The following ABCB1 variants were observed in gnomAD, a reference collection of about 807,000 sequenced individuals.
The protein encoded by ABCB1 is ATP-dependent translocase ABCB1.
ABCB1 carries 69 observed loss-of-function variants against 142.0 expected under a neutral mutation model. That is an observed-to-expected ratio of 0.49 (90% CI 0.40 to 0.59). The LOEUF is 0.59. ABCB1 is among the 20% of genes least tolerant of loss of function. ABCB1 has a pLI of 0.00. For missense variants in ABCB1, 1,326 were observed against 1,554.7 expected (o/e 0.85, Z 2.47); for synonymous variants, 532 against 539.2 (o/e 0.99, Z 0.18).
intron 1 of ABCB1, among the ~76,000 whole-genome samples, chr7:87,638,409 T>G (rs1234552844): frequency 6.6e-6 from 1 of 151,800 alleles, no homozygotes; most frequent in Non-Finnish European, 1.5e-5. Context: ...GAAAAGTTTG[T>G]GTAAGACTGA....
rs562677790 is a variant in ABCB1, at chr7:87,681,159, C to T, written c.-331+32002G>A. ...TAAAGAAGTAGATAACACAAATAGTCCTATATCTATTAAAGAAGTTGAATC... is the reference window on the plus strand; with the variant it reads ...TAAAGAAGTAGATAACACAAATAGTTCTATATCTATTAAAGAAGTTGAATC... On this transcript the variant is annotated intron_variant, in intron 1 of 28. Transcript: ENST00000265724. Among the ~76,000 whole-genome samples, 36 of 150,588 alleles carry T rather than the reference C, an allele frequency of 2.4e-4. 3 individuals are homozygous for T. Among genetic ancestry groups the T allele is most frequent in the African/African-American group, 8.1e-4 (33 of 40,672 alleles).
At chr7:87,701,345 T>G (rs1324875934) in intron 1 of ABCB1, among the ~76,000 whole-genome samples, 2 of 152,248 alleles carry the variant, frequency 1.3e-5, no homozygotes, top group Non-Finnish European at 2.9e-5. Flanking sequence ...TTAAAGCTTT[T>G]AAGTAAAAAC....
chr7:87,518,642 G>A (rs1487806420), intron 23 of ABCB1, among the ~76,000 whole-genome samples: 5 of 152,056 alleles, frequency 3.3e-5, no homozygotes, highest in South Asian at 2.1e-4. Context: ...AAATTATATC[G>A]CTACTAATTA....
At chr7:87,604,374 A>G (rs550607701), upstream of ABCB1, among the ~76,000 whole-genome samples, 1 of 152,172 alleles carries the variant, frequency 6.6e-6, no homozygotes, top group Non-Finnish European at 1.5e-5. Context: ...ACAAGTTTCC[A>G]CTCAGTCCAA....
intron 23 of ABCB1, 70 bp from the exon 24 acceptor site, chr7:87,516,735 T>A: frequency 6.6e-6 from 7 of 1,059,150 alleles, no homozygotes; most frequent in Non-Finnish European, 8.9e-6. Context: ...ACACTCCTTT[T>A]TTTTTTTTTT....
chr7:87,629,594 G>A (rs1477885651), intron 1 of ABCB1, among the ~76,000 whole-genome samples: 1 of 152,138 alleles, frequency 6.6e-6, no homozygotes, highest in Non-Finnish European at 1.5e-5. Context: ...AACTGTAAAT[G>A]TAGTATTTCC....
chr7:87,552,545 T>C (rs923975307), intron 9 of ABCB1, among the ~76,000 whole-genome samples: 2 of 152,010 alleles, frequency 1.3e-5, no homozygotes, highest in African/African-American at 4.8e-5. Context: ...GTGAAGTATA[T>C]TCATGCCCAG....
At chr7:87,575,412 TCTAATATCATC>T (rs1293008567) in intron 4 of ABCB1, among the ~76,000 whole-genome samples, 17 of 152,274 alleles carry the variant, frequency 1.1e-4, no homozygotes, top group African/African-American at 4.1e-4. Context: ...AGCCACTTTC[TCTAATATCATC>T]GGATTTCTGT....
In ABCB1 at chr7:87,544,890, C is replaced by A. The variant is rs750020655; in HGVS notation, c.1997G>T (p.Arg666Ile). Residue 666 changes from arginine to isoleucine, a missense_variant, in exon 16 of 28, where the codon AGA (arginine) becomes ATA (isoleucine). By Grantham distance (97) the Arg-to-Ile change is moderately conservative. Transcript: ENST00000622132. ...TCCACGGACACTCCTACGAGTTGAT[C>A]TTTTTCTTATTAGACTGGATCTTGA... ...NDSRSSLIRK[R>I]STRRSVRGSQ... 6.2e-6 allele frequency: 10 copies of A among 1,613,988 alleles called. No homozygotes were observed. Among genetic ancestry groups the A allele is most frequent in the Middle Eastern group, 1.6e-4 (1 of 6,084 alleles).
In ABCB1 at chr7:87,541,516, C is replaced by A. The variant is rs757373140; in HGVS notation, c.2212-52G>T. 4.9e-6 allele frequency: 6 copies of A among 1,232,638 alleles called. No homozygotes were observed. In the African/African-American group the frequency reaches 8.9e-5, roughly 18 times the overall value. The allele number at this position is 1,232,638 out of a possible 1,614,324, so 76.4% of individuals were successfully genotyped here. On this transcript the variant is annotated intron_variant, in intron 17 of 27. Transcript: ENST00000622132. ...TAGTTCAATCAGTGAAGAACCCATC[C>A]TGGACCTGACCCATTTCCCATCTGG...
At chr7:87,704,718 A>G (rs532175739) in intron 1 of ABCB1, among the ~76,000 whole-genome samples, 2 of 152,358 alleles carry the variant, frequency 1.3e-5, no homozygotes, top group Admixed American at 1.3e-4. Flanking sequence ...GGCCTCAAAC[A>G]GATTCCATTT....
Position 87,504,064 on chromosome 7 carries a change from T to C in ABCB1, c.*179A>G, listed in dbSNP as rs1201355238. 1 of 697,802 alleles carries C rather than the reference T, an allele frequency of 1.4e-6. No homozygotes were observed. The highest frequency in any genetic ancestry group is 2.4e-6 in the Non-Finnish European group (1 of 419,970). 43.2% of individuals were successfully genotyped at this position (697,802 alleles called of 1,614,324 possible). A position where few individuals can be genotyped will look rare whatever the true frequency, so the allele number is the denominator to read the frequency against. Reference sequence around the variant, plus strand: ...AGTTTAAACTATGATTTCTCTCCACTTGATGATGTCTCTCACTCTGTTCCT... The same window carrying C: ...AGTTTAAACTATGATTTCTCTCCACCTGATGATGTCTCTCACTCTGTTCCT... On this transcript the variant is annotated 3_prime_UTR_variant, in exon 28 of 28. Coordinates refer to ENST00000622132, the MANE Select transcript of ABCB1 (RefSeq NM_001348946.2).
chr7:87,567,521 G>C (rs1341816999), intron 5 of ABCB1, among the ~76,000 whole-genome samples: 1 of 152,154 alleles, frequency 6.6e-6, no homozygotes, highest in Non-Finnish European at 1.5e-5. Context: ...TCAAGAAATG[G>C]AAATAATCCC....
chr7:87,672,548 A>C (rs1395622486), intron 1 of ABCB1, among the ~76,000 whole-genome samples: 1 of 152,122 alleles, frequency 6.6e-6, no homozygotes, highest in South Asian at 2.1e-4. Flanking sequence ...AGGGGTATGT[A>C]CAGGGGTCCA....
intron 1 of ABCB1, among the ~76,000 whole-genome samples, chr7:87,606,197 A>G (rs1395859434): frequency 1.3e-5 from 2 of 152,278 alleles, no homozygotes; most frequent in East Asian, 1.9e-4. Flanking sequence ...AAAAGTATGT[A>G]GTATACTGGT....
At chr7:87,654,561 C>A (rs190796862) in intron 1 of ABCB1, among the ~76,000 whole-genome samples, 18 of 152,022 alleles carry the variant, frequency 1.2e-4, no homozygotes, top group Admixed American at 1.1e-3. Context: ...CTTCACACTA[C>A]AGAAGAAAAT....
At chr7:87,567,968 G>A (rs191093855) in intron 5 of ABCB1, among the ~76,000 whole-genome samples, 240 of 151,894 alleles carry the variant, frequency 1.6e-3, no homozygotes, top group African/African-American at 5.5e-3. Flanking sequence ...GGTGGCGTGC[G>A]ACTGTAGTCC....
intron 3 of ABCB1, among the ~76,000 whole-genome samples, chr7:87,593,006 C>A (rs1584908604): frequency 6.6e-6 from 1 of 151,128 alleles, no homozygotes; most frequent in Non-Finnish European, 1.5e-5. Context: ...TGGCTCACTG[C>A]ATCTCCACCT....
intron 19 of ABCB1, among the ~76,000 whole-genome samples, chr7:87,538,249 T>C (rs187979831): frequency 6.6e-6 from 1 of 152,350 alleles, no homozygotes; most frequent in East Asian, 1.9e-4. Flanking sequence ...AAGGTCAGTG[T>C]AGACCTAAGT....
Sources: allele counts gnomAD v4.1 joint callset (sites outside exome capture counted in the v4.1 genomes callset), GRCh38; gene constraint gnomAD v4.1.1; transcripts MANE v1.5; gene names NCBI Gene and HGNC (gene_info 2026-07-23, HGNC 2026-07-21).